Variants in ATRNL1 observed in about 807,000 individuals in gnomAD.
The protein encoded by ATRNL1 is attractin-like protein 1.
A neutral mutation model predicts 182.7 loss-of-function variants in ATRNL1; 95 were observed. The ratio of observed to expected loss-of-function variants is 0.52; its 90% CI spans 0.44 to 0.62. The LOEUF (loss-of-function observed/expected upper bound fraction) is 0.62, where lower values mean the gene tolerates loss of function less well. Among genes scored for constraint, ATRNL1 ranks in the 20% least tolerant of loss-of-function variants. The pLI is 0.00. For synonymous variants in ATRNL1, 576 were observed against 568.3 expected (o/e 1.01, Z -0.19); for missense variants, 1,471 against 1,679.5 (o/e 0.88, Z 2.17).
intron 28 of ATRNL1, among the ~76,000 whole-genome samples, chr10:115,878,268 A>G (rs1456092277): frequency 6.6e-6 from 1 of 152,250 alleles, no homozygotes; most frequent in African/African-American, 2.4e-5. Flanking sequence ...CATTCCAACC[A>G]ACCTAAAGCC....
At chr10:115,590,887 A>G (rs146807916) in intron 26 of ATRNL1, among the ~76,000 whole-genome samples, 211 of 152,264 alleles carry the variant, frequency 1.4e-3, no homozygotes, top group African/African-American at 4.7e-3. Flanking sequence ...GTGAGTGGCA[A>G]ATCTTTGCTG....
At chr10:115,468,023 T>C (rs1234887563) in intron 23 of ATRNL1, among the ~76,000 whole-genome samples, 1 of 150,800 alleles carries the variant, frequency 6.6e-6, no homozygotes, top group Admixed American at 6.6e-5. Flanking sequence ...TATTTTAATA[T>C]GTAGAATATT....
intron 26 of ATRNL1, among the ~76,000 whole-genome samples, chr10:115,681,222 T>C (rs1946036563): frequency 6.6e-6 from 1 of 152,136 alleles, no homozygotes; most frequent in African/African-American, 2.4e-5. Flanking sequence ...ATAGATTTGT[T>C]TGGTCCTTCT....
intron 27 of ATRNL1, among the ~76,000 whole-genome samples, chr10:115,758,320 T>G (rs1593177079): frequency 6.8e-6 from 1 of 147,972 alleles, no homozygotes; most frequent in African/African-American, 2.5e-5. Context: ...TGGTCTTTGA[T>G]GTTGGTGATG....
At chr10:115,620,480 C>A (rs1054862644) in intron 26 of ATRNL1, among the ~76,000 whole-genome samples, 1 of 152,086 alleles carries the variant, frequency 6.6e-6, no homozygotes, top group African/African-American at 2.4e-5. Flanking sequence ...AATTTTATGC[C>A]CTTAAACCAT....
chr10:115,278,275 CATTCCA>C (rs199666335), intron 13 of ATRNL1, among the ~76,000 whole-genome samples: 1,776 of 152,282 alleles, frequency 0.012, 29 homozygotes, highest in African/African-American at 0.039. Flanking sequence ...AATAAACATT[CATTCCA>C]ATTCCAAGAA....
chr10:115,203,745 A>ATTTTTTTTTTTTTTTTTT (rs71476116), intron 8 of ATRNL1, among the ~76,000 whole-genome samples: 6 of 106,050 alleles, frequency 5.7e-5, no homozygotes, highest in African/African-American at 8.1e-5. Context: ...ATGCCTGGCT[A>ATTTTTTTTTTTTTTTTTT]TTTTTTTTTT....
At chr10:115,367,550 C>G (rs549120967) in intron 19 of ATRNL1, among the ~76,000 whole-genome samples, 1 of 151,988 alleles carries the variant, frequency 6.6e-6, no homozygotes, top group Non-Finnish European at 1.5e-5. Context: ...AGCTTTGTTC[C>G]GTTGCTGGTG....
intron 24 of ATRNL1, among the ~76,000 whole-genome samples, chr10:115,514,248 G>A (rs1486599237): frequency 6.6e-6 from 1 of 151,890 alleles, no homozygotes; most frequent in East Asian, 1.9e-4. Context: ...CCCCCAAGAA[G>A]TGGTATTTCA....
chr10:115,419,463 T>A (rs1197724554), intron 20 of ATRNL1, among the ~76,000 whole-genome samples: 11 of 152,192 alleles, frequency 7.2e-5, no homozygotes, highest in African/African-American at 2.7e-4. Flanking sequence ...TGGTTGAAAT[T>A]ATTCAGTTAA....
At chr10:115,154,565 C>G (rs1271458342) in intron 5 of ATRNL1, among the ~76,000 whole-genome samples, 2 of 152,062 alleles carry the variant, frequency 1.3e-5, no homozygotes, top group Non-Finnish European at 2.9e-5. Flanking sequence ...AGAATTGCAA[C>G]CCCTGCCCTT....
At chr10:115,679,079 G>T (rs1555043877) in intron 26 of ATRNL1, among the ~76,000 whole-genome samples, 5 of 152,098 alleles carry the variant, frequency 3.3e-5, no homozygotes, top group African/African-American at 1.2e-4. Flanking sequence ...CCTGATGCCT[G>T]GGAGGAGGTC....
At chr10:115,700,722 A>G (rs1555051268) in intron 26 of ATRNL1, among the ~76,000 whole-genome samples, 1 of 152,138 alleles carries the variant, frequency 6.6e-6, no homozygotes, top group Non-Finnish European at 1.5e-5. Context: ...GGCATTATAT[A>G]TTGATAAAGA....
chr10:115,592,468 G>A (rs1245718822), intron 26 of ATRNL1, among the ~76,000 whole-genome samples: 1 of 152,086 alleles, frequency 6.6e-6, no homozygotes. Flanking sequence ...TCCAGTTTTA[G>A]AACATTTTCA....
At chr10:115,739,038 T>G (rs1023119216) in intron 27 of ATRNL1, among the ~76,000 whole-genome samples, 2 of 152,120 alleles carry the variant, frequency 1.3e-5, no homozygotes, top group Non-Finnish European at 2.9e-5. Flanking sequence ...GAAATATTAT[T>G]TTTATCTTAT....
At chr10:115,460,645 T>A (rs1847750229) in intron 21 of ATRNL1, among the ~76,000 whole-genome samples, 2 of 152,118 alleles carry the variant, frequency 1.3e-5, no homozygotes, top group African/African-American at 4.8e-5. Context: ...TTGTCCTCTC[T>A]GCCTGGAATA....
chr10:115,616,460 T>C (rs1576144), intron 26 of ATRNL1, among the ~76,000 whole-genome samples: 76,392 of 151,986 alleles, frequency 0.5, 20,138 homozygotes, highest in East Asian at 0.84. Flanking sequence ...GGGATTCAAG[T>C]GGACTGCAGA....
intron 18 of ATRNL1, among the ~76,000 whole-genome samples, chr10:115,329,206 A>C (rs895580341): frequency 6.6e-6 from 1 of 151,990 alleles, no homozygotes; most frequent in African/African-American, 2.4e-5. Flanking sequence ...TAGTGTTTGA[A>C]GTTCCTTCTC....
intron 26 of ATRNL1, among the ~76,000 whole-genome samples, chr10:115,609,649 T>C (rs1447066562): frequency 6.6e-6 from 1 of 151,954 alleles, no homozygotes; most frequent in African/African-American, 2.4e-5. Context: ...TGCTTTCTCC[T>C]ATTCATTTTT....
Sources: allele counts gnomAD v4.1 joint callset (sites outside exome capture counted in the v4.1 genomes callset), GRCh38; gene constraint gnomAD v4.1.1; transcripts MANE v1.5; gene names NCBI Gene and HGNC (gene_info 2026-07-23, HGNC 2026-07-21).